The following PDE1C variants were observed in gnomAD, a reference collection of about 807,000 sequenced individuals.
The protein encoded by PDE1C is dual specificity calcium/calmodulin-dependent 3',5'-cyclic nucleotide phosphodiesterase 1C.
In PDE1C, 62 loss-of-function variants were observed where a neutral mutation model predicts 93.1. The observed-to-expected ratio is 0.67, with a 90% confidence interval of 0.54 to 0.82. The LOEUF (loss-of-function observed/expected upper bound fraction) is 0.82. Among genes scored for constraint, PDE1C ranks in the 40% least tolerant of loss-of-function variants. PDE1C has a pLI of 0.00. For missense variants in PDE1C, 742 were observed against 884.6 expected, an observed-to-expected ratio of 0.84 and a Z score of 2.04; for synonymous variants, 325 against 310.1, an observed-to-expected ratio of 1.05 and a Z score of -0.50.
intron 1 of PDE1C, among the ~76,000 whole-genome samples, chr7:32,421,900 G>A (rs1443118499): frequency 6.6e-6 from 1 of 152,148 alleles, no homozygotes; most frequent in African/African-American, 2.4e-5. Flanking sequence ...ATGTACCACT[G>A]ATGGCTAGGC....
At chr7:31,689,251 T>C in the PDE1C span, among the ~76,000 whole-genome samples, 1 of 152,150 alleles carries the variant, frequency 6.6e-6, no homozygotes, top group Non-Finnish European at 1.5e-5. Flanking sequence ...GTTAAAAAGG[T>C]CACAAGTCTT....
At chr7:31,679,530 T>A in the PDE1C span, among the ~76,000 whole-genome samples, 62 of 152,160 alleles carry the variant, frequency 4.1e-4, no homozygotes, top group South Asian at 4.2e-4. Context: ...TCATAGAGAG[T>A]TAATGAACTT....
In PDE1C at chr7:32,128,164, T is replaced by TA. The variant is rs531660379; in HGVS notation, c.308+41620dup. Among the ~76,000 whole-genome samples the TA allele has an allele frequency of 2.4e-3, 325 of 136,394 alleles. 3 individuals are homozygous for TA. The highest frequency in any genetic ancestry group is 8.3e-3 in the African/African-American group (316 of 38,060). The allele number at this position is 136,394 out of a possible 152,430, so 89.5% of individuals were successfully genotyped here. A position where few individuals can be genotyped will look rare whatever the true frequency, so the allele number is the denominator to read the frequency against. On this transcript the variant is annotated intron_variant, in intron 3 of 18. Transcript: ENST00000396193. ...TTATATTAGTTACATAACAAGTCAG[T>TA]AAAAAAAATTAATTTAGTGCCTATT...
chr7:32,419,107 T>C lies in PDE1C; in HGVS notation c.310+8715A>G, dbSNP rs57406461. 4.9e-4 allele frequency among the ~76,000 whole-genome samples: 74 copies of C among 152,326 alleles called. No homozygotes were observed. In the East Asian group the frequency reaches 0.013, roughly 26 times the overall value. On this transcript the variant is annotated intron_variant, in intron 1 of 1. Transcript: ENST00000672256. The stretch of plus-strand genomic sequence containing the variant: ...CTAAAATTAATAATTGGTTAAAATA[T>C]TTTTTAAATATCTTTACTCAGGTTC...
chr7:31,632,373 G>A, the PDE1C span, among the ~76,000 whole-genome samples: 59 of 152,208 alleles, frequency 3.9e-4, no homozygotes, highest in African/African-American at 1.3e-3. Flanking sequence ...GCTTGAACCC[G>A]GGAGGCAGAG....
intron 2 of PDE1C, among the ~76,000 whole-genome samples, chr7:31,965,354 A>G (rs1470654694): frequency 1.3e-5 from 2 of 152,234 alleles, no homozygotes; most frequent in Non-Finnish European, 2.9e-5. Context: ...AAGAAAGGGT[A>G]TCAGTGATGG....
intron 1 of PDE1C, among the ~76,000 whole-genome samples, chr7:32,389,992 G>A (rs1245056322): frequency 6.6e-6 from 1 of 152,064 alleles, no homozygotes; most frequent in Admixed American, 6.6e-5. Context: ...ATTGAAACAG[G>A]GAAATAAAAC....
chr7:32,307,485 T>C (rs564779733), intron 1 of PDE1C, among the ~76,000 whole-genome samples: 1 of 152,244 alleles, frequency 6.6e-6, no homozygotes, highest in South Asian at 2.1e-4. Context: ...GTGGGTGACA[T>C]CTGGGAAATG....
chr7:31,976,279 A>G (rs1390494203), intron 2 of PDE1C, among the ~76,000 whole-genome samples: 3 of 152,336 alleles, frequency 2.0e-5, no homozygotes, highest in South Asian at 2.1e-4. Flanking sequence ...CTATTCAAAC[A>G]TTTGTTGAAC....
chr7:31,947,640 ATG>A (rs1164084049), intron 2 of PDE1C, among the ~76,000 whole-genome samples: 1 of 152,194 alleles, frequency 6.6e-6, no homozygotes, highest in Non-Finnish European at 1.5e-5. Context: ...CGTGAACTTC[ATG>A]TATGTACAGT....
At chr7:31,902,168 A>T (rs1188655299) in intron 2 of PDE1C, among the ~76,000 whole-genome samples, 1 of 151,520 alleles carries the variant, frequency 6.6e-6, no homozygotes, top group African/African-American at 2.4e-5. Context: ...TTATATTAGG[A>T]CATGAGAAAA....
the PDE1C span, among the ~76,000 whole-genome samples, chr7:31,654,444 C>G: frequency 1.3e-5 from 2 of 152,116 alleles, no homozygotes; most frequent in African/African-American, 4.8e-5. Context: ...TGGAAAGCCA[C>G]TGTGGGTTTT....
At chr7:31,961,751 AACAT>A (rs1218711007) in intron 2 of PDE1C, among the ~76,000 whole-genome samples, 4 of 152,196 alleles carry the variant, frequency 2.6e-5, no homozygotes, top group African/African-American at 9.6e-5. Context: ...GTGTTACATG[AACAT>A]ACATACATAA....
intron 3 of PDE1C, among the ~76,000 whole-genome samples, chr7:32,144,451 C>T (rs1054406699): frequency 1.3e-5 from 2 of 152,168 alleles, no homozygotes; most frequent in African/African-American, 2.4e-5. Context: ...TGCCCATCTC[C>T]AGGCAATCAT....
chr7:32,079,481 C>T (rs1288930399), intron 3 of PDE1C, among the ~76,000 whole-genome samples: 1 of 152,148 alleles, frequency 6.6e-6, no homozygotes, highest in Non-Finnish European at 1.5e-5. Context: ...TTTAAAACAA[C>T]CAATTTTTCT....
chr7:31,934,400 T>G (rs1206741590), intron 2 of PDE1C, among the ~76,000 whole-genome samples: 1 of 152,178 alleles, frequency 6.6e-6, no homozygotes, highest in African/African-American at 2.4e-5. Context: ...ATTCAGACAA[T>G]AACACGATAT....
At chr7:32,235,319 G>C (rs1407719227) in intron 1 of PDE1C, among the ~76,000 whole-genome samples, 1 of 151,786 alleles carries the variant, frequency 6.6e-6, no homozygotes, top group East Asian at 1.9e-4. Flanking sequence ...GGAAAGAAGA[G>C]AGAGATAGAG....
intron 1 of PDE1C, among the ~76,000 whole-genome samples, chr7:32,346,743 G>A (rs1337259880): frequency 6.6e-6 from 1 of 152,164 alleles, no homozygotes; most frequent in Non-Finnish European, 1.5e-5. Flanking sequence ...AAAACACCAT[G>A]CAGTAACAAA....
At chr7:31,857,177 T>C (rs1794128216) in intron 7 of PDE1C, among the ~76,000 whole-genome samples, 1 of 152,176 alleles carries the variant, frequency 6.6e-6, no homozygotes, top group African/African-American at 2.4e-5. Flanking sequence ...ATTTAGCCCA[T>C]ATAGCTACTT....
Sources: allele counts gnomAD v4.1 joint callset (sites outside exome capture counted in the v4.1 genomes callset), GRCh38; gene constraint gnomAD v4.1.1; transcripts MANE v1.5; gene names NCBI Gene and HGNC (gene_info 2026-07-23, HGNC 2026-07-21).